Variants in PROSER2 observed in about 807,000 individuals in gnomAD.
The protein encoded by PROSER2 is proline and serine-rich protein 2.
In PROSER2, 18 loss-of-function variants were observed where a neutral mutation model predicts 14.6. The observed-to-expected ratio is 1.23, with a 90% CI of 0.85 to 1.83. The LOEUF is 1.83. Among genes scored for constraint, PROSER2 ranks in the 40% most tolerant of loss-of-function variants. The probability of loss-of-function intolerance (pLI) is 0.00; values close to 1 mark genes in which losing one functional copy is unlikely to be tolerated. For missense variants in PROSER2, 823 were observed against 629.8 expected, an observed-to-expected ratio of 1.31 and a Z score of -3.28; for synonymous variants, 367 against 286.4, an observed-to-expected ratio of 1.28 and a Z score of -2.84.
Position 11,869,420 on chromosome 10 carries a change from G to A in PROSER2, c.392-70G>A. 6 of 1,206,916 alleles carry A rather than the reference G, an allele frequency of 5.0e-6. No individual in the cohort carries two copies. The highest frequency in any genetic ancestry group is 6.1e-6 in the Non-Finnish European group (5 of 817,216). 74.8% of individuals were successfully genotyped at this position (1,206,916 alleles called of 1,614,324 possible). A position where few individuals can be genotyped will look rare whatever the true frequency, so the allele number is the denominator to read the frequency against. ...CCAGGTTGAGGCTCTTTTCAGTTCAGCGAGAGGGAACTTCATGCATTTACT... is the reference window on the plus strand; with the variant it reads ...CCAGGTTGAGGCTCTTTTCAGTTCAACGAGAGGGAACTTCATGCATTTACT... On this transcript the variant is annotated intron_variant, in intron 3 of 3. Transcript: ENST00000277570. This position sits in a 1 kb window ranked among gnomAD's most constrained non-coding sequence, Gnocchi z 4.4.
chr10:11,869,430 A>C lies in PROSER2; in HGVS notation c.392-60A>C. On this transcript the variant is annotated intron_variant, in intron 3 of 3. Coordinates refer to ENST00000277570, the MANE Select transcript of PROSER2 (RefSeq NM_153256.4). The surrounding 1 kb of genome is among the most constrained non-coding windows in gnomAD (Gnocchi z 4.4). ...GCTCTTTTCAGTTCAGCGAGAGGGA[A>C]CTTCATGCATTTACTTTCACGTGGG... 12 of 1,267,086 alleles carry C rather than the reference A, an allele frequency of 9.5e-6. No homozygotes were observed. The highest frequency in any genetic ancestry group is 2.4e-5 in the South Asian group (2 of 82,868). 78.5% of individuals were successfully genotyped at this position (1,267,086 alleles called of 1,614,324 possible).
At chr10:11,853,444 C>A (rs879310229) in intron 2 of PROSER2, among the ~76,000 whole-genome samples, 1 of 152,070 alleles carries the variant, frequency 6.6e-6, no homozygotes, top group Non-Finnish European at 1.5e-5. Context: ...AAAAATTAGC[C>A]GGGCGTGGTG....
rs76760021 is a variant in PROSER2, at chr10:11,854,421, C to T, written c.138+2206C>T. Reference sequence around the variant, plus strand: ...CTCCTAGGCTCAAGTGAGCCTCCTGCGTCAACCTCCCAAGTAGCTGGGATA... The same window carrying T: ...CTCCTAGGCTCAAGTGAGCCTCCTGTGTCAACCTCCCAAGTAGCTGGGATA... On this transcript the variant is annotated intron_variant, in intron 2 of 3. Transcript: ENST00000277570. Among the ~76,000 whole-genome samples, 528 of 152,274 alleles carry T rather than the reference C, an allele frequency of 3.5e-3. 16 individuals are homozygous for T. The East Asian group carries it at 0.074, about 21-fold the overall frequency.
In PROSER2 at chr10:11,837,523, C is replaced by G. The variant is rs1405347643; in HGVS notation, c.-82+14053C>G. Among the ~76,000 whole-genome samples, 1 of 152,208 alleles carries G rather than the reference C, an allele frequency of 6.6e-6. No individual in the cohort carries two copies. The highest frequency in any genetic ancestry group is 1.5e-5 in the Non-Finnish European group (1 of 68,042). On this transcript the variant is annotated intron_variant, in intron 1 of 3. Transcript: ENST00000277570. This position sits in a 1 kb window ranked among gnomAD's most constrained non-coding sequence, Gnocchi z 4.6. Reference sequence around the variant, plus strand: ...CAGCAATATAGGTACATGGGGTTGTCTTCAGACCCAGCCTGGACCTGTTTT... The same window carrying G: ...CAGCAATATAGGTACATGGGGTTGTGTTCAGACCCAGCCTGGACCTGTTTT...
chr10:11,870,390 T>C lies in PROSER2; in HGVS notation c.1292T>C (p.Leu431Pro), dbSNP rs1224285750. 4.0e-6 allele frequency: 6 copies of C among 1,503,088 alleles called. No homozygotes were observed. The highest frequency in any genetic ancestry group is 4.4e-6 in the Non-Finnish European group (5 of 1,128,230). The allele number at this position is 1,503,088 out of a possible 1,614,324, so 93.1% of individuals were successfully genotyped here. A position where few individuals can be genotyped will look rare whatever the true frequency, so the allele number is the denominator to read the frequency against. ...RREALRKLGL[L>P]RESS is the part of the protein sequence containing the mutation. ...GAGGCCCTGCGGAAGCTGGGGCTGCTCAGGGAGAGTTCGTGAGGGCCGCGC... is the reference window on the plus strand; with the variant it reads ...GAGGCCCTGCGGAAGCTGGGGCTGCCCAGGGAGAGTTCGTGAGGGCCGCGC... The change falls in exon 4 of 4, where the codon CTC (leucine) becomes CCC (proline). Residue 431 changes from leucine (L) to proline (P), a missense_variant. Physicochemically the swap from Leu to Pro is moderately conservative, Grantham distance 98. Transcript: ENST00000277570.
chr10:11,869,521 A>G lies in PROSER2; in HGVS notation c.423A>G (p.Lys141=). The G allele has an allele frequency of 6.2e-7, 1 of 1,613,704 alleles. No individual in the cohort carries two copies. The highest frequency in any genetic ancestry group is 1.3e-5 in the African/African-American group (1 of 74,902). ...GPAPAGKEHR[K]QDAETPPPPD... ...CACCTGCTGGGAAGGAGCACAGGAAACAAGATGCTGAGACTCCTCCACCTC... is the reference window on the plus strand; with the variant it reads ...CACCTGCTGGGAAGGAGCACAGGAAGCAAGATGCTGAGACTCCTCCACCTC... The change falls in exon 4 of 4, where the codon AAA becomes AAG. Residue 141 remains lysine (K), a synonymous_variant. Transcript: ENST00000277570. The surrounding 1 kb of genome is among the most constrained non-coding windows in gnomAD (Gnocchi z 4.4).
rs1003823694 is a variant in PROSER2, at chr10:11,826,682, A to G, written c.-82+3212A>G. Among the ~76,000 whole-genome samples, 8 of 152,200 alleles carry G rather than the reference A, an allele frequency of 5.3e-5. No homozygotes were observed. In the East Asian group the frequency reaches 1.5e-3, roughly 29 times the overall value. ...AAGCTCTGCCTCCCGTGTTCACACC[A>G]TTCTCCTGCCTCAGCCTCCTGAGTA... On this transcript the variant is annotated intron_variant, in intron 1 of 3. Transcript: ENST00000277570.
chr10:11,850,299 G>A (rs958522782), intron 1 of PROSER2: 2 of 152,370 alleles, frequency 1.3e-5, no homozygotes, highest in African/African-American at 4.8e-5. Flanking sequence ...GATGGGCGCT[G>A]ATTAACACAA....
intron 1 of PROSER2, among the ~76,000 whole-genome samples, chr10:11,845,299 C>T (rs1833906960): frequency 6.6e-6 from 1 of 152,134 alleles, no homozygotes; most frequent in Non-Finnish European, 1.5e-5. Context: ...CCTCGGAGCA[C>T]CTTGTTTCCC....
At position 11,870,553 on chromosome 10, in the gene PROSER2, T is replaced by A. The variant is rs1355011657; in HGVS notation, c.*147T>A. 6.2e-6 allele frequency: 4 copies of A among 643,110 alleles called. No individual in the cohort carries two copies. The highest frequency in any genetic ancestry group is 7.3e-6 in the Non-Finnish European group (3 of 409,254). The allele number at this position is 643,110 out of a possible 1,614,324, so 39.8% of individuals were successfully genotyped here. A position where few individuals can be genotyped will look rare whatever the true frequency, so the allele number is the denominator to read the frequency against. On this transcript the variant is annotated 3_prime_UTR_variant, in exon 4 of 4. Coordinates refer to ENST00000277570, the MANE Select transcript of PROSER2 (RefSeq NM_153256.4). ...TGGCACATCGGAGTCTAGAGGTGCC[T>A]GGCTGGGGCCTCCTGGCTGAGCACG...
Position 11,836,320 on chromosome 10 carries a change from C to T in PROSER2, c.-82+12850C>T, listed in dbSNP as rs1219778069. Among the ~76,000 whole-genome samples, 2 of 152,046 alleles carry T rather than the reference C, an allele frequency of 1.3e-5. No homozygotes were observed. Among genetic ancestry groups the T allele is most frequent in the African/African-American group, 4.8e-5 (2 of 41,382 alleles). ...CAAGCGATTCTCCCATCTCAGCTTC[C>T]CAAGTAGTTGGGATTACGGGCGCAT... is the stretch of plus-strand genomic sequence containing the variant. On this transcript the variant is annotated intron_variant, in intron 1 of 3. Coordinates refer to ENST00000277570, the MANE Select transcript of PROSER2 (RefSeq NM_153256.4). This position sits in a 1 kb window ranked among gnomAD's most constrained non-coding sequence, Gnocchi z 4.6.
rs1468928621 is a variant in PROSER2, at chr10:11,838,983, T to C, written c.-81-13014T>C. Among the ~76,000 whole-genome samples the C allele has an allele frequency of 6.6e-6, 1 of 152,238 alleles. No homozygotes were observed. The highest frequency in any genetic ancestry group is 1.9e-4 in the East Asian group (1 of 5,206). ...CTTAATTTTTATGTAGACAGATGCA[T>C]TGAAATTTTCACCTTATAACTTGTA... On this transcript the variant is annotated intron_variant, in intron 1 of 3. Coordinates refer to ENST00000277570, the MANE Select transcript of PROSER2 (RefSeq NM_153256.4). This position sits in a 1 kb window ranked among gnomAD's most constrained non-coding sequence, Gnocchi z 4.4.
At chr10:11,840,437 G>A (rs966652400) in intron 1 of PROSER2, among the ~76,000 whole-genome samples, 42 of 152,184 alleles carry the variant, frequency 2.8e-4, no homozygotes, top group African/African-American at 9.4e-4. Context: ...GCTACATCAC[G>A]TTGGAAAATT....
At chr10:11,868,254 C>A (rs569854721) in intron 3 of PROSER2, among the ~76,000 whole-genome samples, 1 of 152,178 alleles carries the variant, frequency 6.6e-6, no homozygotes, top group Non-Finnish European at 1.5e-5. Flanking sequence ...TCCATCTGTT[C>A]TCTAACATAT....
chr10:11,840,949 A>ACAT, intron 1 of PROSER2, among the ~76,000 whole-genome samples: 1 of 37,166 alleles, frequency 2.7e-5, no homozygotes, highest in Non-Finnish European at 4.9e-5. Flanking sequence ...AAAAAAAAAA[A>ACAT]AAAAAAATAT....
At chr10:11,827,764 G>A (rs997915109) in intron 1 of PROSER2, among the ~76,000 whole-genome samples, 1 of 149,754 alleles carries the variant, frequency 6.7e-6, no homozygotes, top group Non-Finnish European at 1.5e-5. Flanking sequence ...CTGCAGCCTC[G>A]ACCTCCCAGG....
At chr10:11,843,635 G>A (rs1165331099) in intron 1 of PROSER2, among the ~76,000 whole-genome samples, 3 of 149,646 alleles carry the variant, frequency 2.0e-5, no homozygotes, top group African/African-American at 4.9e-5. Flanking sequence ...GCAGTGAGCC[G>A]AGATCGCACC....
chr10:11,863,430 C>G (rs993096928), intron 2 of PROSER2, among the ~76,000 whole-genome samples: 3 of 152,034 alleles, frequency 2.0e-5, no homozygotes, highest in Non-Finnish European at 4.4e-5. Context: ...CCCAGCATCT[C>G]TGGAGGCTGA....
intron 1 of PROSER2, among the ~76,000 whole-genome samples, chr10:11,831,529 A>G (rs1998638): frequency 0.35 from 53,524 of 151,994 alleles, 10,410 homozygotes; most frequent in East Asian, 0.5. Flanking sequence ...CTTCACAAAC[A>G]TTTCTTTTTT....
Sources: allele counts gnomAD v4.1 joint callset (sites outside exome capture counted in the v4.1 genomes callset), GRCh38; gene constraint gnomAD v4.1.1; non-coding constraint Gnocchi (gnomAD v3.1); transcripts MANE v1.5; gene names NCBI Gene and HGNC (gene_info 2026-07-23, HGNC 2026-07-21).